Variants in SCML4 observed in about 807,000 individuals in gnomAD.
SCML4 encodes Scm polycomb group protein like 4.
In SCML4, 34 loss-of-function variants were observed where a neutral mutation model predicts 41.1. The observed-to-expected ratio is 0.83, with a 90% CI of 0.63 to 1.10. The LOEUF (loss-of-function observed/expected upper bound fraction) is 1.10. Ranked by LOEUF, SCML4 falls within the 50% of genes least tolerant of loss-of-function variation. The pLI, the probability that SCML4 is intolerant of heterozygous loss-of-function variation, is 0.00. For synonymous variants in SCML4, 214 were observed against 220.9 expected (o/e 0.97, Z 0.28); for missense variants, 522 against 534.1 (o/e 0.98, Z 0.22).
intron 2 of SCML4, among the ~76,000 whole-genome samples, chr6:107,769,193 A>G (rs939112281): frequency 1.3e-5 from 2 of 152,252 alleles, no homozygotes; most frequent in Non-Finnish European, 1.5e-5. Context: ...AGGGGGCAGT[A>G]GCACCATAAA....
chr6:107,705,138 T>C lies in SCML4; in HGVS notation c.*62A>G. The C allele has an allele frequency of 6.9e-7, 1 of 1,444,344 alleles. No homozygotes were observed. Among genetic ancestry groups the C allele is most frequent in the South Asian group, 1.2e-5 (1 of 81,790 alleles). The allele number at this position is 1,444,344 out of a possible 1,614,324, so 89.5% of individuals were successfully genotyped here. A position where few individuals can be genotyped will look rare whatever the true frequency, so the allele number is the denominator to read the frequency against. On this transcript the variant is annotated 3_prime_UTR_variant, in exon 8 of 8. Transcript: ENST00000369020. ...GTTTGTGATGTTGGCGGGATATTGGTAAGGCAGAAGATAATCTTGGGATCT... is the reference window on the plus strand; with the variant it reads ...GTTTGTGATGTTGGCGGGATATTGGCAAGGCAGAAGATAATCTTGGGATCT...
intron 5 of SCML4, among the ~76,000 whole-genome samples, chr6:107,725,135 G>C (rs544982294): frequency 6.6e-6 from 1 of 152,278 alleles, no homozygotes; most frequent in East Asian, 1.9e-4. Flanking sequence ...GAAATCACTT[G>C]AGTGACTATA....
intron 1 of SCML4, among the ~76,000 whole-genome samples, chr6:107,822,511 T>G (rs1785022438): frequency 2.6e-5 from 1 of 37,822 alleles, no homozygotes; most frequent in East Asian, 6.8e-3. Flanking sequence ...TTCTTTTCTT[T>G]TTTTTTTTTT....
At chr6:107,776,475 A>C (rs191078474) in intron 1 of SCML4, among the ~76,000 whole-genome samples, 1 of 152,298 alleles carries the variant, frequency 6.6e-6, no homozygotes, top group East Asian at 1.9e-4. Context: ...GAATTATTAC[A>C]AGAAAAGATT....
At chr6:107,742,849 G>A (rs1777714644) in intron 5 of SCML4, among the ~76,000 whole-genome samples, 1 of 152,090 alleles carries the variant, frequency 6.6e-6, no homozygotes, top group Non-Finnish European at 1.5e-5. Flanking sequence ...TACAAAGCCT[G>A]TTGGTACCAT....
At chr6:107,709,587 A>G (rs1371275500) in intron 6 of SCML4, among the ~76,000 whole-genome samples, 1 of 152,202 alleles carries the variant, frequency 6.6e-6, no homozygotes, top group Non-Finnish European at 1.5e-5. Flanking sequence ...TTTGACTTCA[A>G]CCTAGAAGGC....
intron 7 of SCML4, among the ~76,000 whole-genome samples, chr6:107,707,260 A>G (rs1354270194): frequency 6.6e-6 from 1 of 152,142 alleles, no homozygotes; most frequent in East Asian, 1.9e-4. Flanking sequence ...CGAGATTGAG[A>G]TCGCACTACT....
At chr6:107,845,637 G>A in the SCML4 span, among the ~76,000 whole-genome samples, 1 of 152,174 alleles carries the variant, frequency 6.6e-6, no homozygotes, top group East Asian at 1.9e-4. Context: ...ACTCTTCAGG[G>A]ACAACGCTCC....
chr6:107,794,808 G>C (rs914045272), intron 1 of SCML4, among the ~76,000 whole-genome samples: 2 of 152,132 alleles, frequency 1.3e-5, no homozygotes, highest in Non-Finnish European at 2.9e-5. Context: ...GTGCCAGCAG[G>C]ATTGATTCCT....
chr6:107,741,625 C>T (rs368704854), intron 5 of SCML4, among the ~76,000 whole-genome samples: 2 of 152,300 alleles, frequency 1.3e-5, no homozygotes, highest in African/African-American at 2.4e-5. Context: ...CCACAGATCC[C>T]CTGGGCACAA....
intron 1 of SCML4, among the ~76,000 whole-genome samples, chr6:107,823,088 AAGAAAAACAG>A (rs1399650328): frequency 6.6e-6 from 1 of 152,162 alleles, no homozygotes; most frequent in Non-Finnish European, 1.5e-5. Context: ...GTTGAAAAGA[AAGAAAAACAG>A]CATATAACAA....
At chr6:107,778,222 AATATATATATATATAT>A (rs1163805768) in intron 1 of SCML4, among the ~76,000 whole-genome samples, 570 of 15,316 alleles carry the variant, frequency 0.037, 14 homozygotes, top group African/African-American at 0.078. Context: ...AAAAAAAAAA[AATATATATATATATAT>A]ATATATATAT....
chr6:107,834,806 A>T, the SCML4 span, among the ~76,000 whole-genome samples: 1 of 152,010 alleles, frequency 6.6e-6, no homozygotes, highest in Non-Finnish European at 1.5e-5. Context: ...TTAGCCAGAC[A>T]TGGCAGCAGG....
At chr6:107,835,782 A>G in the SCML4 span, among the ~76,000 whole-genome samples, 434 of 151,594 alleles carry the variant, frequency 2.9e-3, 1 homozygote, top group African/African-American at 0.01. Context: ...AAAAAAAAAA[A>G]AGAGAGAGCA....
At chr6:107,707,741 A>T in intron 7 of SCML4, 125 bp downstream of exon 7, 1 of 1,211,376 alleles carries the variant, frequency 8.3e-7, no homozygotes, top group Non-Finnish European at 1.2e-6. Context: ...GGGTGCCCCT[A>T]GGGCTTAGTT....
chr6:107,779,345 T>C (rs1415789903), intron 1 of SCML4, among the ~76,000 whole-genome samples: 2 of 152,074 alleles, frequency 1.3e-5, no homozygotes, highest in Non-Finnish European at 1.5e-5. Flanking sequence ...TCAATTCTTT[T>C]AGTAAGGTTG....
intron 5 of SCML4, among the ~76,000 whole-genome samples, chr6:107,727,218 A>G (rs1243764142): frequency 6.6e-6 from 1 of 152,182 alleles, no homozygotes; most frequent in Non-Finnish European, 1.5e-5. Context: ...CTATACAGAC[A>G]AAAAGTAGAT....
intron 1 of SCML4, among the ~76,000 whole-genome samples, chr6:107,802,594 G>A (rs1264391245): frequency 7.8e-6 from 1 of 128,874 alleles, no homozygotes; most frequent in East Asian, 2.3e-4. Flanking sequence ...AAGGAAGGAA[G>A]GAAGGAAGGA....
At chr6:107,821,465 C>T (rs2114313062) in intron 1 of SCML4, among the ~76,000 whole-genome samples, 1 of 152,348 alleles carries the variant, frequency 6.6e-6, no homozygotes, top group Non-Finnish European at 1.5e-5. Context: ...CTTGTGTGAT[C>T]ACACCAAAGG....
Sources: allele counts gnomAD v4.1 joint callset (sites outside exome capture counted in the v4.1 genomes callset), GRCh38; gene constraint gnomAD v4.1.1; transcripts MANE v1.5; gene names NCBI Gene and HGNC (gene_info 2026-07-23, HGNC 2026-07-21).